Variants in POU6F2 observed in about 807,000 individuals in gnomAD.
POU6F2 encodes the protein POU domain, class 6, transcription factor 2.
In POU6F2, 31 loss-of-function variants were observed where a neutral mutation model predicts 71.3. That is an observed-to-expected ratio of 0.43 (90% CI 0.33 to 0.59). The LOEUF is 0.59. POU6F2 is among the 20% of genes least tolerant of loss of function. POU6F2 has a pLI of 0.04. For synonymous variants in POU6F2, 347 were observed against 355.7 expected, an observed-to-expected ratio of 0.98 and a Z score of 0.27; for missense variants, 783 against 856.8, an observed-to-expected ratio of 0.91 and a Z score of 1.07.
rs1051458231 is a variant in POU6F2 at position 39,150,627 on chromosome 7, T to C, written c.278-53608T>C. On this transcript the variant is annotated intron_variant, in intron 2 of 9. Coordinates refer to ENST00000518318, the MANE Select transcript of POU6F2 (RefSeq NM_001370959.1). ...GATTACAGGCGCCCACCACCATGCCTGGCTTATTTTTTGTATTTTTAGTAC... is the reference window on the plus strand; with the variant it reads ...GATTACAGGCGCCCACCACCATGCCCGGCTTATTTTTTGTATTTTTAGTAC... Among the ~76,000 whole-genome samples, 35 of 151,752 alleles carry C rather than the reference T, an allele frequency of 2.3e-4. 3 individuals are homozygous for C. The highest frequency in any genetic ancestry group is 1.9e-3 in the East Asian group (10 of 5,130).
rs143704243 is a variant in POU6F2 at position 39,067,925 on chromosome 7, G to A, written c.106-17935G>A. 6.6e-4 allele frequency among the ~76,000 whole-genome samples: 101 copies of A among 152,126 alleles called. 1 individual carries two copies. In the East Asian group the frequency reaches 0.019, roughly 29 times the overall value. On this transcript the variant is annotated intron_variant, in intron 1 of 9. Coordinates refer to ENST00000518318, the MANE Select transcript of POU6F2 (RefSeq NM_001370959.1). Reference sequence around the variant, plus strand: ...ATTTTAAGGATAATACAAAAGAGAGGCTTTCTCATACACTGAGAACATAAA... The same window carrying A: ...ATTTTAAGGATAATACAAAAGAGAGACTTTCTCATACACTGAGAACATAAA...
At chr7:39,378,330 C>T (rs1786750756) in intron 5 of POU6F2, among the ~76,000 whole-genome samples, 2 of 152,182 alleles carry the variant, frequency 1.3e-5, no homozygotes, top group South Asian at 4.1e-4. Context: ...CTTGAGGCTC[C>T]AGCACTGACC....
intron 1 of POU6F2, among the ~76,000 whole-genome samples, chr7:39,071,682 C>A (rs982592594): frequency 1.4e-5 from 2 of 147,760 alleles, no homozygotes; most frequent in Admixed American, 1.3e-4. Flanking sequence ...CACACACACA[C>A]ACACACACAC....
At chr7:39,158,315 C>G (rs540973552) in intron 2 of POU6F2, among the ~76,000 whole-genome samples, 1 of 152,202 alleles carries the variant, frequency 6.6e-6, no homozygotes, top group South Asian at 2.1e-4. Flanking sequence ...AATCGCAGTC[C>G]TCAAGTTTCA....
intron 2 of POU6F2, among the ~76,000 whole-genome samples, chr7:39,117,510 A>G (rs1791956440): frequency 6.6e-6 from 1 of 152,232 alleles, no homozygotes; most frequent in Non-Finnish European, 1.5e-5. Context: ...AAAGAGGAGC[A>G]GGAAAGAGAT....
intron 2 of POU6F2, among the ~76,000 whole-genome samples, chr7:39,111,105 C>T (rs995491961): frequency 6.6e-6 from 1 of 151,966 alleles, no homozygotes; most frequent in Non-Finnish European, 1.5e-5. Flanking sequence ...CTTTTGTCCC[C>T]AGGAGGCTAG....
chr7:39,165,595 A>G (rs1793097482), intron 2 of POU6F2, among the ~76,000 whole-genome samples: 1 of 152,202 alleles, frequency 6.6e-6, no homozygotes, highest in Admixed American at 6.5e-5. Flanking sequence ...ATAGTCATAT[A>G]TGTTTCGATA....
At chr7:39,360,280 G>A (rs1256873411) in intron 5 of POU6F2, among the ~76,000 whole-genome samples, 1 of 152,174 alleles carries the variant, frequency 6.6e-6, no homozygotes, top group Non-Finnish European at 1.5e-5. Context: ...TTATGATTTT[G>A]AGAATTAATT....
At chr7:39,050,499 C>CA (rs1392203323) in intron 1 of POU6F2, among the ~76,000 whole-genome samples, 1 of 152,136 alleles carries the variant, frequency 6.6e-6, no homozygotes, top group African/African-American at 2.4e-5. Flanking sequence ...ACATCACCTC[C>CA]AGTCAACCAA....
intron 2 of POU6F2, among the ~76,000 whole-genome samples, chr7:39,172,610 CTT>C (rs1345195767): frequency 7.0e-6 from 1 of 142,034 alleles, no homozygotes; most frequent in Non-Finnish European, 1.5e-5. Context: ...AGGCCTGACT[CTT>C]CAGGTCCCCC....
intron 1 of POU6F2, among the ~76,000 whole-genome samples, chr7:39,010,192 A>T (rs2128702832): frequency 7.2e-6 from 1 of 138,088 alleles, no homozygotes; most frequent in East Asian, 2.1e-4. Context: ...TTATTGCCAC[A>T]ATTTCAGATC....
At chr7:39,093,536 T>G (rs932035537) in intron 2 of POU6F2, among the ~76,000 whole-genome samples, 1 of 152,134 alleles carries the variant, frequency 6.6e-6, no homozygotes, top group African/African-American at 2.4e-5. Context: ...TGCCATATAT[T>G]GTTTGGCATT....
intron 1 of POU6F2, among the ~76,000 whole-genome samples, chr7:39,063,971 G>A (rs889089881): frequency 2.6e-5 from 4 of 151,872 alleles, no homozygotes; most frequent in Non-Finnish European, 4.4e-5. Flanking sequence ...ACAAGGATTC[G>A]GCTGATACAC....
intron 4 of POU6F2, among the ~76,000 whole-genome samples, chr7:39,332,659 G>A (rs892145829): frequency 3.9e-5 from 6 of 152,206 alleles, no homozygotes; most frequent in African/African-American, 1.4e-4. Context: ...TGAGAGGTAT[G>A]ATAGCAGTTT....
rs142748654 is a variant in POU6F2 at position 39,083,098 on chromosome 7, C to T, written c.106-2762C>T. ...ACAGAACATCTTAAAGATTTAAGTA[C>T]ACTTGAACTCAGCAGCTGCATTTCA... On this transcript the variant is annotated intron_variant, in intron 1 of 9. Transcript: ENST00000518318. 3.2e-3 allele frequency among the ~76,000 whole-genome samples: 491 copies of T among 152,276 alleles called. 2 individuals are homozygous for T. The highest frequency in any genetic ancestry group is 6.1e-3 in the Non-Finnish European group (416 of 68,026).
intron 2 of POU6F2, among the ~76,000 whole-genome samples, chr7:39,182,988 C>T (rs1793465377): frequency 6.6e-6 from 1 of 152,144 alleles, no homozygotes; most frequent in African/African-American, 2.4e-5. Context: ...GACTAGGTGT[C>T]CCCAACTCCC....
At chr7:39,076,875 C>T (rs1791013713) in intron 1 of POU6F2, among the ~76,000 whole-genome samples, 1 of 151,316 alleles carries the variant, frequency 6.6e-6, no homozygotes, top group South Asian at 2.1e-4. Flanking sequence ...GAGATACACA[C>T]ACACACACAC....
At chr7:39,031,978 T>G (rs1372259589) in intron 1 of POU6F2, among the ~76,000 whole-genome samples, 1 of 152,212 alleles carries the variant, frequency 6.6e-6, no homozygotes, top group African/African-American at 2.4e-5. Flanking sequence ...TGTATGTCAA[T>G]AGTTGCGTCC....
At chr7:39,261,052 C>T (rs1341293635) in intron 4 of POU6F2, among the ~76,000 whole-genome samples, 1 of 136,588 alleles carries the variant, frequency 7.3e-6, no homozygotes, top group South Asian at 2.6e-4. Context: ...ATCTACATAA[C>T]ACATACACAC....
Sources: gnomAD v4.1 joint callset for allele counts (sites outside exome capture counted in the v4.1 genomes callset) on GRCh38, gnomAD v4.1.1 for gene constraint, MANE v1.5 for transcripts, NCBI Gene and HGNC (gene_info 2026-07-23, HGNC 2026-07-21) for gene names.